The following NCOA2 variants were observed in gnomAD, a reference collection of about 807,000 sequenced individuals.
NCOA2 encodes the protein nuclear receptor coactivator 2, also known as class E basic helix-loop-helix protein 75.
A neutral mutation model predicts 145.1 loss-of-function variants in NCOA2; 21 were observed. The observed-to-expected ratio is 0.14, with a 90% CI of 0.10 to 0.21. NCOA2 has a LOEUF of 0.21. Among genes scored for constraint, NCOA2 ranks in the 10% least tolerant of loss-of-function variants. NCOA2 has a pLI of 1.00. For synonymous variants in NCOA2, 619 were observed against 637.5 expected (o/e 0.97, Z 0.44); for missense variants, 1,472 against 1,837.6 (o/e 0.80, Z 3.64).
intron 4 of NCOA2, among the ~76,000 whole-genome samples, chr8:70,179,160 T>C (rs1815197671): frequency 1.3e-5 from 2 of 152,212 alleles, no homozygotes; most frequent in Non-Finnish European, 2.9e-5. Flanking sequence ...CTCACAAGAA[T>C]GAAACATATG....
At chr8:70,171,321 G>A (rs577689338) in intron 5 of NCOA2, among the ~76,000 whole-genome samples, 22 of 152,300 alleles carry the variant, frequency 1.4e-4, no homozygotes, top group African/African-American at 5.1e-4. Context: ...GGCTCAAAGA[G>A]GTTAAAGTCT....
rs1342997898 is a variant in NCOA2, at chr8:70,210,791, G to GTGTA, written c.259+3108_259+3111dup. Reference sequence around the variant, plus strand: ...AAAGATGAGCCCAGCTTTCCTCATTGTGTATTCTTTAGTATGGCCCCTCAT... The same window carrying GTGTA: ...AAAGATGAGCCCAGCTTTCCTCATTGTGTATGTATTCTTTAGTATGGCCCCTCAT... On this transcript the variant is annotated intron_variant, in intron 4 of 22. Transcript: ENST00000452400. Among the ~76,000 whole-genome samples, 16 of 152,210 alleles carry GTGTA rather than the reference G, an allele frequency of 1.1e-4. No homozygotes were observed. In the East Asian group the frequency reaches 2.9e-3, roughly 28 times the overall value.
intron 1 of NCOA2, among the ~76,000 whole-genome samples, chr8:70,361,184 A>T (rs1263363785): frequency 2.0e-5 from 3 of 152,150 alleles, no homozygotes; most frequent in African/African-American, 4.8e-5. Flanking sequence ...AACTGTCTCT[A>T]CAGAGCAAAC....
chr8:70,156,153 T>C lies in NCOA2; in HGVS notation c.2212A>G (p.Lys738Glu). ...CGAAGTAGTGCATTCTCTTTCTTCT[T>C]GGGGCTCACCGGCTCTTGTTTAATA... Reference protein sequence around the residue: ...VTIKQEPVSPKKKENALLRYL... With the variant: ...VTIKQEPVSPEKKENALLRYL... The change falls in exon 11 of 23, where the codon AAG becomes GAG. Residue 738 changes from lysine to glutamate, a missense_variant. By Grantham distance (56) the Lys-to-Glu change is moderately conservative (BLOSUM62 1). Around this residue, in one of 4 missense-constraint regions of NCOA2, gnomAD observed 953 missense variants for 1,062.1 expected, o/e 0.90. Coordinates refer to ENST00000452400, the MANE Select transcript of NCOA2 (RefSeq NM_006540.4). 1 of 1,613,902 alleles carries C rather than the reference T, an allele frequency of 6.2e-7. No homozygotes were observed. The highest frequency in any genetic ancestry group is 8.5e-7 in the Non-Finnish European group (1 of 1,179,850).
At chr8:70,412,207 C>G in the NCOA2 span, among the ~76,000 whole-genome samples, 1 of 151,910 alleles carries the variant, frequency 6.6e-6, no homozygotes, top group African/African-American at 2.4e-5. Context: ...CCTAGGAGTT[C>G]AAGCAGCAGT....
chr8:70,184,290 T>A (rs1815803309), intron 4 of NCOA2, among the ~76,000 whole-genome samples: 1 of 152,200 alleles, frequency 6.6e-6, no homozygotes, highest in Admixed American at 6.5e-5. Flanking sequence ...AGTTACAACC[T>A]ACTTTACAAA....
the NCOA2 span, among the ~76,000 whole-genome samples, chr8:70,449,900 C>T: frequency 2.0e-5 from 3 of 152,180 alleles, no homozygotes; most frequent in South Asian, 4.1e-4. Context: ...GGCTAATTTC[C>T]GGTTGGGACA....
chr8:70,234,235 C>T (rs1185339030), intron 2 of NCOA2, among the ~76,000 whole-genome samples: 2 of 152,178 alleles, frequency 1.3e-5, no homozygotes, highest in Non-Finnish European at 2.9e-5. Flanking sequence ...TATAGCTATA[C>T]CAAATTTTGT....
chr8:70,133,388 A>G lies in NCOA2; in HGVS notation c.3159-1386T>C, dbSNP rs1809381961. 2.0e-5 allele frequency among the ~76,000 whole-genome samples: 3 copies of G among 151,802 alleles called. No homozygotes were observed. The South Asian group carries it at 6.2e-4, about 32-fold the overall frequency. On this transcript the variant is annotated intron_variant, in intron 15 of 22. Transcript: ENST00000452400. ...TTGATGTGTACCACCACGCTTGGCT[A>G]ATTTTTGTACATTTTTTGTAGAGAC...
At chr8:70,391,928 T>C (rs1278553312) in intron 1 of NCOA2, among the ~76,000 whole-genome samples, 1 of 152,242 alleles carries the variant, frequency 6.6e-6, no homozygotes, top group African/African-American at 2.4e-5. Context: ...ATGCCTTGAT[T>C]TTAAGACAAT....
chr8:70,128,933 G>A lies in NCOA2; in HGVS notation c.3372C>T (p.Ile1124=), dbSNP rs1251070410. Residue 1124 remains isoleucine, a synonymous_variant, in exon 17 of 23, where the codon ATC becomes ATT. Coordinates refer to ENST00000452400, the MANE Select transcript of NCOA2 (RefSeq NM_006540.4). ...AAACGGGCGCCTTCTGCTCCAGCAT[G>A]ATGTTGGAATCCTGACTTGAGAACT... ...PEQFSSQDSN[I]MLEQKAPVFP... The A allele has an allele frequency of 2.5e-6, 4 of 1,610,798 alleles. No individual in the cohort carries two copies. The South Asian group carries it at 4.4e-5, about 18-fold the overall frequency.
chr8:70,309,272 A>G (rs565885529), intron 1 of NCOA2, among the ~76,000 whole-genome samples: 7 of 152,204 alleles, frequency 4.6e-5, no homozygotes, highest in African/African-American at 1.4e-4. Flanking sequence ...TAACCCACAG[A>G]ATTATGAGCT....
At chr8:70,159,725 T>C in intron 9 of NCOA2, 73 bp from the exon 10 acceptor site, 1 of 1,343,656 alleles carries the variant, frequency 7.4e-7, no homozygotes, top group Non-Finnish European at 1.0e-6. Flanking sequence ...CAAGACATAA[T>C]AAGAGTAATC....
In NCOA2 at chr8:70,110,095, A is replaced by G. The variant is rs917874204; in HGVS notation, c.*3537T>C. On this transcript the variant is annotated 3_prime_UTR_variant, in exon 23 of 23. Coordinates refer to ENST00000452400, the MANE Select transcript of NCOA2 (RefSeq NM_006540.4). ...ATATATTGCTTAATTTTACCCTTGT[A>G]TAATCTTTTCATATACACACATCTC... 5.1e-6 allele frequency: 1 copy of G among 196,902 alleles called. No homozygotes were observed. Among genetic ancestry groups the G allele is most frequent in the Non-Finnish European group, 1.1e-5 (1 of 94,932 alleles). 12.2% of individuals were successfully genotyped at this position (196,902 alleles called of 1,614,324 possible).
At chr8:70,177,350 T>C (rs1252351306) in intron 4 of NCOA2, among the ~76,000 whole-genome samples, 1 of 152,126 alleles carries the variant, frequency 6.6e-6, no homozygotes, top group African/African-American at 2.4e-5. Flanking sequence ...GCTACCCGAC[T>C]TGAAGGTAAG....
chr8:70,203,091 C>T (rs1355416586), intron 4 of NCOA2, among the ~76,000 whole-genome samples: 1 of 151,868 alleles, frequency 6.6e-6, no homozygotes, highest in South Asian at 2.1e-4. Context: ...GGTGAAACCC[C>T]GTCTCAACTA....
At chr8:70,240,334 G>A (rs58161834) in intron 2 of NCOA2, among the ~76,000 whole-genome samples, 3,426 of 152,220 alleles carry the variant, frequency 0.023, 128 homozygotes, top group African/African-American at 0.078. Flanking sequence ...CTGGTATACA[G>A]AAACACCCTC....
chr8:70,231,353 C>T lies in NCOA2; in HGVS notation c.-19-14589G>A, dbSNP rs187543489. On this transcript the variant is annotated intron_variant, in intron 2 of 22. Coordinates refer to ENST00000452400, the MANE Select transcript of NCOA2 (RefSeq NM_006540.4). ...CATTTCTACTCTGATGAAAGAATGCCGAGTCAGGTATGCCATAGGTGCAAT... is the reference window on the plus strand; with the variant it reads ...CATTTCTACTCTGATGAAAGAATGCTGAGTCAGGTATGCCATAGGTGCAAT... Among the ~76,000 whole-genome samples, 616 of 152,258 alleles carry T rather than the reference C, an allele frequency of 4.0e-3. 3 individuals are homozygous for T. Among genetic ancestry groups the T allele is most frequent in the South Asian group, 0.026 (127 of 4,822 alleles).
intron 2 of NCOA2, among the ~76,000 whole-genome samples, chr8:70,291,644 C>G (rs1013234901): frequency 6.6e-6 from 1 of 152,220 alleles, no homozygotes; most frequent in Non-Finnish European, 1.5e-5. Context: ...TTCAACCTCA[C>G]TAAGCAAGAC....
Sources: gnomAD v4.1 joint callset for allele counts (sites outside exome capture counted in the v4.1 genomes callset) on GRCh38, gnomAD v4.1.1 for gene constraint, gnomAD v4.1.1 regional missense constraint, MANE v1.5 for transcripts, NCBI Gene and HGNC (gene_info 2026-07-23, HGNC 2026-07-21) for gene names.